Variants in CCDC81 observed in about 807,000 individuals in gnomAD.
CCDC81 encodes coiled-coil domain containing 81, also known as coiled-coil domain-containing protein 81.
CCDC81 carries 79 observed loss-of-function variants against 83.7 expected under a neutral mutation model. That is an observed-to-expected ratio of 0.94 (90% confidence interval 0.79 to 1.14). The LOEUF (loss-of-function observed/expected upper bound fraction) is 1.14. Ranked by LOEUF, CCDC81 falls within the 50% of genes most tolerant of loss-of-function variation. The pLI is 0.00. For synonymous variants in CCDC81, 252 were observed against 278.1 expected, an observed-to-expected ratio of 0.91 and a Z score of 0.93; for missense variants, 791 against 778.1, an observed-to-expected ratio of 1.02 and a Z score of -0.20.
Position 86,412,478 on chromosome 11 carries a change from A to T in CCDC81, c.1310A>T (p.Asp437Val). 6.2e-7 allele frequency: 1 copy of T among 1,614,134 alleles called. No individual in the cohort carries two copies. The highest frequency in any genetic ancestry group is 8.5e-7 in the Non-Finnish European group (1 of 1,179,972). The stretch of plus-strand genomic sequence containing the variant: ...TCCCGGAGTCTCCTGAAACAAATGG[A>T]TAACAGACAGGAAAACGAAATAAAG... ...EYSRSLLKQM[D>V]NRQENEIKQR... The change falls in exon 11 of 15, where the codon GAT (aspartate) becomes GTT (valine). Residue 437 changes from aspartate to valine, a missense_variant. By Grantham distance (152) the Asp-to-Val change is radical. Transcript: ENST00000445632.
chr11:86,397,563 TCA>T lies in CCDC81; in HGVS notation c.636-53_636-52del, dbSNP rs944690661. ...TGGGTTGCTTCCAAAACTTGAGAGTTCACACAGTTACCTGTTCAGGTTCAGTG... is the reference window on the plus strand; with the variant it reads ...TGGGTTGCTTCCAAAACTTGAGAGTTCACAGTTACCTGTTCAGGTTCAGTG... On this transcript the variant is annotated intron_variant, in intron 5 of 14. Coordinates refer to ENST00000445632, the MANE Select transcript of CCDC81 (RefSeq NM_001156474.2). 1.7e-5 allele frequency: 27 copies of T among 1,544,778 alleles called. No individual in the cohort carries two copies. The African/African-American group carries it at 3.5e-4, about 20-fold the overall frequency.
chr11:86,407,852 A>G, intron 8 of CCDC81, 151 bp downstream of exon 8: 2 of 673,194 alleles, frequency 3.0e-6, no homozygotes, highest in East Asian at 5.5e-5. Flanking sequence ...TGATAAATCT[A>G]TCTACTAGTC....
At chr11:86,406,533 G>A (rs1456184652) in intron 7 of CCDC81, among the ~76,000 whole-genome samples, 4 of 151,954 alleles carry the variant, frequency 2.6e-5, no homozygotes, top group Admixed American at 6.6e-5. Context: ...TTGGCCTGGC[G>A]CGGTGGCTCA....
At chr11:86,380,600 C>T (rs551967753) in intron 1 of CCDC81, among the ~76,000 whole-genome samples, 2 of 152,266 alleles carry the variant, frequency 1.3e-5, no homozygotes, top group East Asian at 3.9e-4. Flanking sequence ...GTAGTTGCCT[C>T]ACAATCCTTG....
intron 7 of CCDC81, among the ~76,000 whole-genome samples, chr11:86,406,418 G>A (rs1356087881): frequency 6.6e-6 from 1 of 152,046 alleles, no homozygotes; most frequent in Non-Finnish European, 1.5e-5. Flanking sequence ...CTAGAATATT[G>A]TTCTTTGCCA....
rs1419025474 is a variant in CCDC81, at chr11:86,407,699, C to T, written c.967C>T (p.Gln323Ter). The T allele has an allele frequency of 3.7e-6, 6 of 1,610,548 alleles. No homozygotes were observed. The East Asian group carries it at 8.9e-5, about 24-fold the overall frequency. Residue 323 changes from glutamine to a stop codon, truncating the protein, a stop_gained and splice_region_variant, in exon 8 of 15, where the codon CAG becomes TAG. Transcript: ENST00000445632. LOFTEE classifies it high-confidence loss of function. ...TTGCCAGGATCATAACAAGGCAGGA[C>T]AGGTACAGTGTTTCCAAACAAATAA... ...PACQDHNKAG[Q>*]EMCYVCLQRA...
chr11:86,415,248 A>C lies in CCDC81; in HGVS notation c.1626A>C (p.Lys542Asn). 6.2e-7 allele frequency: 1 copy of C among 1,614,230 alleles called. No individual in the cohort carries two copies. The highest frequency in any genetic ancestry group is 8.5e-7 in the Non-Finnish European group (1 of 1,180,046). The change falls in exon 13 of 15, where the codon AAA (lysine) becomes AAC (asparagine). Residue 542 changes from lysine (K) to asparagine (N), a missense_variant. Coordinates refer to ENST00000445632, the MANE Select transcript of CCDC81 (RefSeq NM_001156474.2). ...QLEAAANHKRKAILHQLVDQR... is the reference protein window; with the variant it reads ...QLEAAANHKRNAILHQLVDQR... ...AGGCAGCTGCTAACCACAAGAGGAA[A>C]GCCATCCTGCATCAACTAGTGGACC...
chr11:86,415,065 A>T (rs1040594811), intron 12 of CCDC81, 28 bp from the exon 13 acceptor site: 1 of 1,606,382 alleles, frequency 6.2e-7, no homozygotes, highest in African/African-American at 1.3e-5. Context: ...TAGAATGATA[A>T]CCTGCATTAT....
intron 7 of CCDC81, among the ~76,000 whole-genome samples, chr11:86,405,785 CTT>C (rs146946869): frequency 5.6e-4 from 72 of 128,584 alleles, no homozygotes; most frequent in Non-Finnish European, 7.8e-4. Context: ...CTTCTTTTTT[CTT>C]TTTTTTTTTT....
rs770215246 is a variant in CCDC81, at chr11:86,408,130, ATGTGCTATGT to A, written c.974_983del (p.Met325AsnfsTer22). On this transcript the variant is annotated frameshift_variant, in exon 9 of 15. Transcript: ENST00000445632. LOFTEE classifies it high-confidence loss of function. The stretch of plus-strand genomic sequence containing the variant: ...GTCCTGAAATTTGGGATTGTAGGAA[ATGTGCTATGT>A]ATGTTTGCAACGAGCACAACGAAAT... The A allele has an allele frequency of 4.4e-6, 7 of 1,607,452 alleles. 1 individual carries two copies. The South Asian group carries it at 7.9e-5, about 18-fold the overall frequency.
At chr11:86,400,541 A>G in intron 6 of CCDC81, 137 bp from the exon 7 acceptor site, 6 of 856,034 alleles carry the variant, frequency 7.0e-6, no homozygotes, top group Non-Finnish European at 1.0e-5. Flanking sequence ...ATTTTTTTAT[A>G]CCACAATAGA....
chr11:86,422,497 C>T (rs886233765), intron 14 of CCDC81, 77 bp from the exon 15 acceptor site: 2 of 1,394,128 alleles, frequency 1.4e-6, no homozygotes, highest in Admixed American at 3.6e-5. Flanking sequence ...TGTGTACCTC[C>T]TGCCATACCA....
chr11:86,422,691 G>C lies in CCDC81; in HGVS notation c.1935G>C (p.Leu645=). ...ACCTGTGGCCCCTGAACAAGTTCCT[G>C]CCTGGCTCCCGGTTGCTTGTGTAAA... ...ESNLWPLNKF[L]PGSRLLV Residue 645 remains leucine (L), a synonymous_variant, in exon 15 of 15, where the codon CTG becomes CTC. Transcript: ENST00000445632. 1 of 1,613,904 alleles carries C rather than the reference G, an allele frequency of 6.2e-7. No homozygotes were observed. Among genetic ancestry groups the C allele is most frequent in the Non-Finnish European group, 8.5e-7 (1 of 1,179,858 alleles).
intron 10 of CCDC81, 26 bp downstream of exon 10, chr11:86,409,391 C>A: frequency 1.7e-6 from 2 of 1,205,226 alleles, no homozygotes; most frequent in Non-Finnish European, 2.4e-6. Context: ...ATTTCTGTTG[C>A]TAACACCTGG....
chr11:86,415,798 G>A (rs1948711573), intron 13 of CCDC81, among the ~76,000 whole-genome samples: 1 of 152,086 alleles, frequency 6.6e-6, no homozygotes, highest in Non-Finnish European at 1.5e-5. Context: ...CTCAGCCTCT[G>A]GAGTAGCTGG....
chr11:86,397,770 T>G (rs748638270), intron 6 of CCDC81, 28 bp downstream of exon 6: 3 of 1,604,588 alleles, frequency 1.9e-6, no homozygotes, highest in Non-Finnish European at 2.6e-6. Flanking sequence ...GGGTCCAATC[T>G]GTCACTCTTT....
intron 14 of CCDC81, among the ~76,000 whole-genome samples, chr11:86,421,902 C>T (rs1365331056): frequency 7.0e-6 from 1 of 143,750 alleles, no homozygotes; most frequent in Non-Finnish European, 1.5e-5. Flanking sequence ...CAGAGGGAGA[C>T]CTAGTCTCAA....
intron 7 of CCDC81, among the ~76,000 whole-genome samples, chr11:86,404,287 G>T (rs1405315408): frequency 6.6e-6 from 1 of 152,096 alleles, no homozygotes; most frequent in African/African-American, 2.4e-5. Context: ...AATCTGAAAA[G>T]GTCCTCTACT....
chr11:86,393,737 G>A (rs1319844713), intron 4 of CCDC81, among the ~76,000 whole-genome samples: 1 of 152,186 alleles, frequency 6.6e-6, no homozygotes, highest in African/African-American at 2.4e-5. Flanking sequence ...TTCATGCTAA[G>A]TTGGATACAG....
Sources: allele counts gnomAD v4.1 joint callset (sites outside exome capture counted in the v4.1 genomes callset), GRCh38; gene constraint gnomAD v4.1.1; transcripts MANE v1.5; gene names NCBI Gene and HGNC (gene_info 2026-07-23, HGNC 2026-07-21).